The following NIPBL variants were observed in gnomAD, a reference collection of about 807,000 sequenced individuals.
NIPBL encodes the protein NIPBL cohesin loading factor, also known as nipped-B-like protein.
Under a neutral mutation model 321.8 loss-of-function variants are expected in NIPBL, and 19 were observed. The ratio of observed to expected loss-of-function variants is 0.06; its 90% CI spans 0.04 to 0.09. The LOEUF (loss-of-function observed/expected upper bound fraction) is 0.09. Ranked by LOEUF, NIPBL falls within the 10% of genes least tolerant of loss-of-function variation. The probability of loss-of-function intolerance (pLI) is 1.00; values close to 1 mark genes in which losing one functional copy is unlikely to be tolerated. For missense variants in NIPBL, 2,210 were observed against 3,327.0 expected (o/e 0.66, Z 8.26); for synonymous variants, 1,106 against 1,114.1 (o/e 0.99, Z 0.14).
At chr5:36,923,981 T>A (rs1289068714) in intron 1 of NIPBL, among the ~76,000 whole-genome samples, 1 of 152,222 alleles carries the variant, frequency 6.6e-6, no homozygotes, top group Non-Finnish European at 1.5e-5. Flanking sequence ...CTACTAATTG[T>A]CCTATAGATG....
At chr5:37,060,376 G>A (rs1754542100) in intron 44 of NIPBL, among the ~76,000 whole-genome samples, 1 of 152,050 alleles carries the variant, frequency 6.6e-6, no homozygotes, top group Non-Finnish European at 1.5e-5. Context: ...GTTGCTCATG[G>A]TAGTCTTGAA....
At position 37,024,722 on chromosome 5, in the gene NIPBL, A is replaced by G; in HGVS notation, c.5709+3A>G. The G allele has an allele frequency of 6.2e-7, 1 of 1,607,550 alleles. No homozygotes were observed. The highest frequency in any genetic ancestry group is 8.5e-7 in the Non-Finnish European group (1 of 1,176,386). On this transcript the variant is annotated splice_donor_region_variant and intron_variant, in intron 30 of 46. Transcript: ENST00000282516. Reference sequence around the variant, plus strand: ...TCAATGATGAAGAGGGCATTAAGGTAGTGTTGACTGTTTTAAATTTATTTT... The same window carrying G: ...TCAATGATGAAGAGGGCATTAAGGTGGTGTTGACTGTTTTAAATTTATTTT...
chr5:37,006,731 G>A (rs1284761182), intron 17 of NIPBL, 143 bp downstream of exon 17: 97 of 598,664 alleles, frequency 1.6e-4, no homozygotes, highest in Non-Finnish European at 5.9e-5. Flanking sequence ...CTAGAATATA[G>A]TACTTGTTCA....
In NIPBL at chr5:37,003,361, C is replaced by T. The variant is rs772186259; in HGVS notation, c.3855+14C>T. ...TTGTTAAATCATGTAAGTTTAAGATCCATACTGTTAATTTTACCCTTAATG... is the reference window on the plus strand; with the variant it reads ...TTGTTAAATCATGTAAGTTTAAGATTCATACTGTTAATTTTACCCTTAATG... On this transcript the variant is annotated intron_variant, in intron 16 of 46. Coordinates refer to ENST00000282516, the MANE Select transcript of NIPBL (RefSeq NM_133433.4). 5 of 1,470,608 alleles carry T rather than the reference C, an allele frequency of 3.4e-6. No homozygotes were observed. The Admixed American group carries it at 8.4e-5, about 25-fold the overall frequency. 91.1% of individuals were successfully genotyped at this position (1,470,608 alleles called of 1,614,324 possible). A position where few individuals can be genotyped will look rare whatever the true frequency, so the allele number is the denominator to read the frequency against.
In NIPBL at chr5:37,058,902, G is replaced by A. The variant is rs143420538; in HGVS notation, c.7422G>A (p.Lys2474=). The change falls in exon 44 of 47, where the codon AAG becomes AAA. Residue 2474 remains lysine (K), a synonymous_variant. Coordinates refer to ENST00000282516, the MANE Select transcript of NIPBL (RefSeq NM_133433.4). ...ATTTTTTCTTTCAGTCTATGGTAAA[G>A]GACAAAAGGAAAGAGAGAAAATCAT... ...LLQSFKESMV[K]DKRKERKSSP... is the part of the protein sequence containing the mutation. 5.0e-6 allele frequency: 8 copies of A among 1,613,800 alleles called. No homozygotes were observed. Among genetic ancestry groups the A allele is most frequent in the African/African-American group, 1.3e-5 (1 of 74,870 alleles).
chr5:36,909,440 T>C (rs1201500395), intron 1 of NIPBL, among the ~76,000 whole-genome samples: 1 of 152,164 alleles, frequency 6.6e-6, no homozygotes, highest in African/African-American at 2.4e-5. Context: ...TGCTACAGTG[T>C]TTTTGGAGGG....
At chr5:36,885,984 A>T in intron 1 of NIPBL, 2 of 727,102 alleles carry the variant, frequency 2.8e-6, no homozygotes, top group South Asian at 1.4e-5. Context: ...GAGCTAGCTC[A>T]GAAGAACCAA....
intron 45 of NIPBL, 98 bp from the exon 46 acceptor site, chr5:37,063,692 A>G (rs1755054368): frequency 8.3e-7 from 1 of 1,201,036 alleles, no homozygotes; most frequent in Admixed American, 2.0e-5. Flanking sequence ...CGTCTGTTTC[A>G]CCCACACCAA....
chr5:36,927,507 C>G (rs1426485692), intron 1 of NIPBL, among the ~76,000 whole-genome samples: 1 of 152,010 alleles, frequency 6.6e-6, no homozygotes, highest in East Asian at 1.9e-4. Flanking sequence ...GGGAAGGGAG[C>G]ATGGTGGCTT....
chr5:36,924,175 T>C (rs891857538), intron 1 of NIPBL, among the ~76,000 whole-genome samples: 1 of 152,314 alleles, frequency 6.6e-6, no homozygotes, highest in East Asian at 1.9e-4. Flanking sequence ...CTTGAACTAA[T>C]ATCCAAATTT....
intron 21 of NIPBL, among the ~76,000 whole-genome samples, chr5:37,013,431 G>A (rs1434507800): frequency 1.3e-5 from 2 of 151,686 alleles, no homozygotes; most frequent in Non-Finnish European, 2.9e-5. Context: ...GCTGGGCGGA[G>A]GGGCTCCTCA....
intron 1 of NIPBL, among the ~76,000 whole-genome samples, chr5:36,906,417 G>A (rs1580196320): frequency 6.6e-6 from 1 of 152,038 alleles, no homozygotes; most frequent in East Asian, 1.9e-4. Flanking sequence ...TTGGTTGCTG[G>A]GGTTACATAA....
chr5:37,050,705 A>T (rs944615571), intron 40 of NIPBL, among the ~76,000 whole-genome samples: 1 of 152,324 alleles, frequency 6.6e-6, no homozygotes, highest in East Asian at 1.9e-4. Context: ...GAACAAGGAC[A>T]TTCTCTTACA....
intron 1 of NIPBL, among the ~76,000 whole-genome samples, chr5:36,921,522 G>A (rs977946220): frequency 1.3e-5 from 2 of 151,914 alleles, no homozygotes; most frequent in Non-Finnish European, 2.9e-5. Context: ...TTCTTGCCAG[G>A]TCAAAATCAA....
intron 6 of NIPBL, among the ~76,000 whole-genome samples, chr5:36,964,155 T>C (rs1270920029): frequency 6.6e-6 from 1 of 152,140 alleles, no homozygotes; most frequent in Non-Finnish European, 1.5e-5. Context: ...ATTAAAGTTA[T>C]TCTAAATAAA....
Position 37,006,498 on chromosome 5 carries a change from A to G in NIPBL, c.3997A>G (p.Ile1333Val). 6.2e-7 allele frequency: 1 copy of G among 1,612,348 alleles called. No homozygotes were observed. Among genetic ancestry groups the G allele is most frequent in the Non-Finnish European group, 8.5e-7 (1 of 1,178,648 alleles). ...MPKAVYIEDV[I>V]ERVIQYTKFH... ...AAAAGCTGTGTACATTGAGGATGTA[A>G]TTGAAAGAGTTATACAGTACACTAA... Residue 1333 changes from isoleucine to valine, a missense_variant, in exon 17 of 47, where the codon ATT becomes GTT. Ile to Val is a conservative substitution (Grantham distance 29, BLOSUM62 3). Around this residue, in one of 14 missense-constraint regions of NIPBL, gnomAD observed 381 missense variants for 642.3 expected, o/e 0.59. Transcript: ENST00000282516.
chr5:37,013,790 ACTT>A (rs1748556298), intron 21 of NIPBL, among the ~76,000 whole-genome samples: 2 of 152,074 alleles, frequency 1.3e-5, no homozygotes, highest in Non-Finnish European at 2.9e-5. Context: ...GATGCTCCTC[ACTT>A]CCCAGACGGG....
At position 37,023,775 on chromosome 5, in the gene NIPBL, T is replaced by A. The variant is rs144635227; in HGVS notation, c.5575-810T>A. 3.5e-3 allele frequency among the ~76,000 whole-genome samples: 489 copies of A among 138,834 alleles called. 3 individuals carry two copies. The highest frequency in any genetic ancestry group is 0.013 in the East Asian group (61 of 4,796). 91.1% of individuals were successfully genotyped at this position (138,834 alleles called of 152,430 possible). On this transcript the variant is annotated intron_variant, in intron 29 of 46. Transcript: ENST00000282516. Reference sequence around the variant, plus strand: ...CTTTTTTTTTTTTTTTTTTTTTTTTTACATCCCATATGACATTGACGGATT... The same window carrying A: ...CTTTTTTTTTTTTTTTTTTTTTTTTAACATCCCATATGACATTGACGGATT...
At chr5:37,062,228 CTA>C (rs1201574200) in intron 45 of NIPBL, among the ~76,000 whole-genome samples, 1 of 152,166 alleles carries the variant, frequency 6.6e-6, no homozygotes, top group Non-Finnish European at 1.5e-5. Flanking sequence ...ATACAGAGGG[CTA>C]TGTTTTTAAT....
Sources: gnomAD v4.1 joint callset for allele counts (sites outside exome capture counted in the v4.1 genomes callset) on GRCh38, gnomAD v4.1.1 for gene constraint, gnomAD v4.1.1 regional missense constraint, MANE v1.5 for transcripts, NCBI Gene and HGNC (gene_info 2026-07-23, HGNC 2026-07-21) for gene names.